SLC9A9: variants seen among roughly 807,000 people sequenced by gnomAD.
SLC9A9 encodes the protein solute carrier family 9 member A9.
SLC9A9 carries 62 observed loss-of-function variants against 77.8 expected under a neutral mutation model. That is an observed-to-expected ratio of 0.80 (90% CI 0.65 to 0.98). The LOEUF (loss-of-function observed/expected upper bound fraction) is 0.98, where lower values mean the gene tolerates loss of function less well. Ranked by LOEUF, SLC9A9 falls within the 50% of genes least tolerant of loss-of-function variation. The probability of loss-of-function intolerance (pLI) is 0.00; values close to 1 mark genes in which losing one functional copy is unlikely to be tolerated. For missense variants in SLC9A9, 775 were observed against 774.9 expected, an observed-to-expected ratio of 1.00 and a Z score of 0.00; for synonymous variants, 320 against 283.5, an observed-to-expected ratio of 1.13 and a Z score of -1.29.
At chr3:143,474,606 G>A (rs1429788373) in intron 11 of SLC9A9, among the ~76,000 whole-genome samples, 1 of 151,812 alleles carries the variant, frequency 6.6e-6, no homozygotes, top group Non-Finnish European at 1.5e-5. Context: ...AGCATGTCTG[G>A]GTGTATAAGG....
intron 6 of SLC9A9, among the ~76,000 whole-genome samples, chr3:143,645,286 A>G (rs2038685862): frequency 6.6e-6 from 1 of 152,222 alleles, no homozygotes; most frequent in African/African-American, 2.4e-5. Flanking sequence ...CGTTACCAAG[A>G]GAAAAAATGG....
rs1055567519 is a variant in SLC9A9 at position 143,498,601 on chromosome 3, A to G, written c.1090-3153T>C. 2.6e-5 allele frequency among the ~76,000 whole-genome samples: 4 copies of G among 151,808 alleles called. No individual in the cohort carries two copies. The East Asian group carries it at 5.8e-4, about 22-fold the overall frequency. On this transcript the variant is annotated intron_variant, in intron 9 of 15. Coordinates refer to ENST00000316549, the MANE Select transcript of SLC9A9 (RefSeq NM_173653.4). ...GAATGAAAGAAAGAGAGAAGGAAAG[A>G]AAAAAAAGAAAGAAATGTTTTTCTT...
intron 9 of SLC9A9, among the ~76,000 whole-genome samples, chr3:143,544,028 G>A (rs2036739794): frequency 7.1e-6 from 1 of 140,490 alleles, no homozygotes; most frequent in Non-Finnish European, 1.6e-5. Flanking sequence ...TTTCTCTACA[G>A]CCTCACTAGC....
chr3:143,288,821 C>T (rs950346804), intron 14 of SLC9A9, among the ~76,000 whole-genome samples: 2 of 152,166 alleles, frequency 1.3e-5, no homozygotes, highest in Non-Finnish European at 2.9e-5. Flanking sequence ...TAAAAATGGT[C>T]AGATAGAAGA....
chr3:143,536,104 C>A (rs1012912740), intron 9 of SLC9A9, among the ~76,000 whole-genome samples: 1 of 152,150 alleles, frequency 6.6e-6, no homozygotes, highest in Non-Finnish European at 1.5e-5. Flanking sequence ...GATTCTATAC[C>A]TAGTAACTTT....
chr3:143,823,331 T>C (rs1239341335), intron 2 of SLC9A9, among the ~76,000 whole-genome samples: 1 of 152,152 alleles, frequency 6.6e-6, no homozygotes, highest in African/African-American at 2.4e-5. Flanking sequence ...CAGGTGGAGC[T>C]ATGAGACTGC....
intron 13 of SLC9A9, among the ~76,000 whole-genome samples, chr3:143,376,013 G>A (rs2033174230): frequency 6.6e-6 from 1 of 152,096 alleles, no homozygotes. Context: ...CTTGCTGGGA[G>A]GAAGTAACAA....
At chr3:143,319,069 A>G (rs911249199) in intron 14 of SLC9A9, among the ~76,000 whole-genome samples, 2 of 152,246 alleles carry the variant, frequency 1.3e-5, no homozygotes, top group African/African-American at 4.8e-5. Flanking sequence ...AAGATAACAG[A>G]AATTGCCACA....
At chr3:143,621,131 G>A (rs1022633698) in intron 6 of SLC9A9, among the ~76,000 whole-genome samples, 2 of 152,198 alleles carry the variant, frequency 1.3e-5, no homozygotes, top group African/African-American at 4.8e-5. Context: ...CTTGAACTGG[G>A]TGGAGCCCAC....
intron 4 of SLC9A9, among the ~76,000 whole-genome samples, chr3:143,744,770 C>G (rs1009730734): frequency 3.2e-4 from 48 of 152,060 alleles, no homozygotes; most frequent in Non-Finnish European, 1.2e-4. Context: ...ATGATTAAGT[C>G]TAATTAAGTG....
intron 13 of SLC9A9, among the ~76,000 whole-genome samples, chr3:143,374,317 G>T (rs1458046476): frequency 1.3e-5 from 2 of 150,666 alleles, no homozygotes; most frequent in African/African-American, 4.9e-5. Flanking sequence ...CCCAGCTACT[G>T]GGGAGGCTGA....
chr3:143,778,881 C>A (rs1235605319), intron 4 of SLC9A9, among the ~76,000 whole-genome samples: 1 of 152,190 alleles, frequency 6.6e-6, no homozygotes, highest in East Asian at 1.9e-4. Context: ...TGAGTTAATG[C>A]TGGTTGACTT....
At chr3:143,450,191 A>G (rs1007256619) in intron 12 of SLC9A9, among the ~76,000 whole-genome samples, 1 of 135,100 alleles carries the variant, frequency 7.4e-6, no homozygotes, top group Non-Finnish European at 1.5e-5. Flanking sequence ...ATGTAAATAT[A>G]ATATATAAAT....
intron 13 of SLC9A9, among the ~76,000 whole-genome samples, chr3:143,373,379 C>T (rs368614446): frequency 2.6e-5 from 4 of 151,922 alleles, no homozygotes; most frequent in East Asian, 1.9e-4. Context: ...TTGTTCTTAC[C>T]TATAAATGTA....
At chr3:143,799,415 G>A (rs1350428968) in intron 2 of SLC9A9, among the ~76,000 whole-genome samples, 1 of 152,212 alleles carries the variant, frequency 6.6e-6, no homozygotes, top group Non-Finnish European at 1.5e-5. Context: ...AGGCAGCCAA[G>A]TAGCAATGTA....
intron 6 of SLC9A9, among the ~76,000 whole-genome samples, chr3:143,590,683 G>A (rs941915276): frequency 3.3e-5 from 5 of 152,196 alleles, no homozygotes; most frequent in Non-Finnish European, 5.9e-5. Flanking sequence ...AGGGTACACC[G>A]AGGTAGATAT....
intron 14 of SLC9A9, among the ~76,000 whole-genome samples, chr3:143,279,944 C>T (rs541488477): frequency 2.6e-5 from 4 of 152,264 alleles, no homozygotes; most frequent in African/African-American, 9.6e-5. Context: ...CTCAGCCTCT[C>T]GAGTAGCTGG....
At chr3:143,449,641 T>TA (rs1229559894) in intron 12 of SLC9A9, among the ~76,000 whole-genome samples, 1 of 47,168 alleles carries the variant, frequency 2.1e-5, no homozygotes, top group Non-Finnish European at 3.2e-5. Context: ...AATATAATTA[T>TA]ATAATATAAT....
chr3:143,361,494 C>T (rs2032751314), intron 14 of SLC9A9, among the ~76,000 whole-genome samples: 1 of 152,142 alleles, frequency 6.6e-6, no homozygotes, highest in Non-Finnish European at 1.5e-5. Flanking sequence ...ATAATTTGCT[C>T]TAAAATAACA....
Sources: gnomAD v4.1 joint callset for allele counts (sites outside exome capture counted in the v4.1 genomes callset) on GRCh38, gnomAD v4.1.1 for gene constraint, MANE v1.5 for transcripts, NCBI Gene and HGNC (gene_info 2026-07-23, HGNC 2026-07-21) for gene names.